Variants in IFT81 observed in about 807,000 individuals in gnomAD.
IFT81 encodes intraflagellar transport protein 81 homolog.
A neutral mutation model predicts 102.6 loss-of-function variants in IFT81; 72 were observed. The observed-to-expected ratio is 0.70, with a 90% CI of 0.58 to 0.85. IFT81 has a LOEUF of 0.85. Among genes scored for constraint, IFT81 ranks in the 40% least tolerant of loss-of-function variants. The probability of loss-of-function intolerance (pLI) is 0.00; values close to 1 mark genes in which losing one functional copy is unlikely to be tolerated. For missense variants in IFT81, 723 were observed against 787.3 expected (o/e 0.92, Z 0.98); for synonymous variants, 237 against 242.7 (o/e 0.98, Z 0.22).
chr12:110,139,704 GCAGAGCTT>G (rs1402958426), intron 8 of IFT81, among the ~76,000 whole-genome samples: 1 of 150,866 alleles, frequency 6.6e-6, no homozygotes, highest in Non-Finnish European at 1.5e-5. Flanking sequence ...AACCCGGGAG[GCAGAGCTT>G]GCAGTGAGCT....
At chr12:110,214,919 G>T (rs1248706001) in intron 18 of IFT81, among the ~76,000 whole-genome samples, 1 of 152,018 alleles carries the variant, frequency 6.6e-6, no homozygotes, top group African/African-American at 2.4e-5. Context: ...AGTTTATAAG[G>T]ATAAAATATT....
intron 11 of IFT81, among the ~76,000 whole-genome samples, chr12:110,172,956 C>CG (rs1896827297): frequency 6.9e-6 from 1 of 144,056 alleles, no homozygotes; most frequent in Non-Finnish European, 1.6e-5. Flanking sequence ...GGTCAGCCCC[C>CG]GCCAGGCCAG....
chr12:110,197,875 G>A (rs1180354366), intron 14 of IFT81, among the ~76,000 whole-genome samples: 1 of 151,848 alleles, frequency 6.6e-6, no homozygotes, highest in African/African-American at 2.4e-5. Flanking sequence ...ACCACACCCG[G>A]CTAATTTTGT....
At chr12:110,160,485 G>T (rs931410874) in intron 10 of IFT81, among the ~76,000 whole-genome samples, 2 of 152,186 alleles carry the variant, frequency 1.3e-5, no homozygotes, top group Admixed American at 6.6e-5. Context: ...TAGACTCAGC[G>T]AGCAAAGCTA....
intron 18 of IFT81, among the ~76,000 whole-genome samples, chr12:110,214,016 C>G (rs1452002190): frequency 6.6e-6 from 1 of 151,914 alleles, no homozygotes; most frequent in East Asian, 1.9e-4. Flanking sequence ...GAATAAATGA[C>G]CATTATATCA....
chr12:110,135,158 A>G, intron 6 of IFT81, 145 bp downstream of exon 6: 5 of 753,956 alleles, frequency 6.6e-6, no homozygotes, highest in Non-Finnish European at 2.2e-6. Flanking sequence ...GAATCTCTCT[A>G]GACAGTAGCC....
At chr12:110,211,637 G>GTT (rs201443393) in intron 18 of IFT81, among the ~76,000 whole-genome samples, 1 of 149,464 alleles carries the variant, frequency 6.7e-6, no homozygotes, top group Non-Finnish European at 1.5e-5. Context: ...AATTATTCTT[G>GTT]TTTTTTTTTA....
chr12:110,136,742 CTAAGCAAG>C, intron 7 of IFT81, 26 bp from the exon 8 acceptor site: 1 of 1,345,426 alleles, frequency 7.4e-7, no homozygotes, highest in South Asian at 1.2e-5. Flanking sequence ...CTTCAGTAGA[CTAAGCAAG>C]TAATCTATTT....
intron 12 of IFT81, among the ~76,000 whole-genome samples, chr12:110,185,140 C>T (rs1897468085): frequency 6.6e-6 from 1 of 152,122 alleles, no homozygotes; most frequent in African/African-American, 2.4e-5. Flanking sequence ...GTGCTTATGC[C>T]AGAGATTATG....
At chr12:110,208,335 T>G (rs1018871433) in intron 17 of IFT81, among the ~76,000 whole-genome samples, 1 of 152,100 alleles carries the variant, frequency 6.6e-6, no homozygotes, top group Non-Finnish European at 1.5e-5. Flanking sequence ...AAACCCTGTG[T>G]CTACCAAAAA....
intron 8 of IFT81, among the ~76,000 whole-genome samples, chr12:110,141,365 C>G (rs1894879358): frequency 6.8e-6 from 1 of 147,312 alleles, no homozygotes; most frequent in Non-Finnish European, 1.5e-5. Flanking sequence ...AACACTTTCT[C>G]TTCTCTTCCT....
intron 4 of IFT81, among the ~76,000 whole-genome samples, chr12:110,130,366 T>C (rs1206084031): frequency 1.3e-5 from 1 of 75,904 alleles, no homozygotes; most frequent in Non-Finnish European, 3.1e-5. Flanking sequence ...TGATTAAGTC[T>C]TTTTTTTTTT....
At chr12:110,172,535 C>T (rs1260489987) in intron 11 of IFT81, among the ~76,000 whole-genome samples, 1 of 152,244 alleles carries the variant, frequency 6.6e-6, no homozygotes, top group African/African-American at 2.4e-5. Flanking sequence ...TGCAGGCGCG[C>T]GCCGCCACGC....
chr12:110,153,852 A>C (rs984295706), intron 10 of IFT81, among the ~76,000 whole-genome samples: 3 of 149,784 alleles, frequency 2.0e-5, no homozygotes, highest in Non-Finnish European at 4.4e-5. Flanking sequence ...TCCCGACCTC[A>C]GCTGATCCAC....
At chr12:110,130,180 T>C (rs1297305011) in intron 4 of IFT81, among the ~76,000 whole-genome samples, 1 of 152,126 alleles carries the variant, frequency 6.6e-6, no homozygotes, top group Non-Finnish European at 1.5e-5. Context: ...TGCAAATAAT[T>C]ATGTCAGATG....
Position 110,162,974 on chromosome 12 carries a change from A to G in IFT81, c.1097A>G (p.Lys366Arg). The G allele has an allele frequency of 1.2e-6, 2 of 1,614,016 alleles. No individual in the cohort carries two copies. Among genetic ancestry groups the G allele is most frequent in the Non-Finnish European group, 1.7e-6 (2 of 1,179,924 alleles). ...EAKAEELQEA[K>R]EKLASLEREA... is the part of the protein sequence containing the mutation. The stretch of plus-strand genomic sequence containing the variant: ...AAAGCTGAGGAACTTCAGGAGGCCA[A>G]GGAGAAGTTAGCCAGCCTAGAGAGA... Residue 366 changes from lysine (K) to arginine (R), a missense_variant, in exon 11 of 19, where the codon AAG becomes AGG. Coordinates refer to ENST00000242591, the MANE Select transcript of IFT81 (RefSeq NM_014055.4).
intron 11 of IFT81, among the ~76,000 whole-genome samples, chr12:110,171,294 C>T (rs1896714005): frequency 6.7e-6 from 1 of 150,026 alleles, no homozygotes; most frequent in African/African-American, 2.5e-5. Flanking sequence ...GAATTAACTG[C>T]TTGGACAGCA....
intron 10 of IFT81, among the ~76,000 whole-genome samples, chr12:110,150,471 G>A (rs2137389502): frequency 6.6e-6 from 1 of 152,230 alleles, no homozygotes; most frequent in East Asian, 1.9e-4. Context: ...CACCATCAGT[G>A]CATACTAATC....
chr12:110,193,845 TTC>T (rs986922576), intron 14 of IFT81, among the ~76,000 whole-genome samples: 14 of 152,304 alleles, frequency 9.2e-5, no homozygotes, highest in African/African-American at 3.4e-4. Flanking sequence ...GATTAGTCTT[TTC>T]TCTCATTGCT....
Sources: allele counts gnomAD v4.1 joint callset (sites outside exome capture counted in the v4.1 genomes callset), GRCh38; gene constraint gnomAD v4.1.1; transcripts MANE v1.5; gene names NCBI Gene and HGNC (gene_info 2026-07-23, HGNC 2026-07-21).